Variants in PLA1A observed in about 807,000 individuals in gnomAD.
PLA1A encodes the protein phospholipase A1 member A, also known as phosphatidylserine-specific phospholipase A1alpha.
Under a neutral mutation model 49.4 loss-of-function variants are expected in PLA1A, and 47 were observed. The ratio of observed to expected loss-of-function variants is 0.95; its 90% confidence interval spans 0.75 to 1.21. PLA1A has a LOEUF of 1.21. Ranked by LOEUF, PLA1A falls within the 50% of genes most tolerant of loss-of-function variation. The pLI is 0.00. For synonymous variants in PLA1A, 224 were observed against 207.9 expected (o/e 1.08, Z -0.67); for missense variants, 561 against 563.9 (o/e 0.99, Z 0.05).
At chr3:119,621,190 A>G (rs2107796318) in intron 8 of PLA1A, among the ~76,000 whole-genome samples, 1 of 152,302 alleles carries the variant, frequency 6.6e-6, no homozygotes, top group Admixed American at 6.5e-5. Context: ...GAATATACCC[A>G]GCAGGAAAGT....
In PLA1A at chr3:119,621,283, T is replaced by C. The variant is rs186330290; in HGVS notation, c.1012+1631T>C. Among the ~76,000 whole-genome samples the C allele has an allele frequency of 2.1e-3, 327 of 152,326 alleles. 6 individuals are homozygous for C. Among genetic ancestry groups the C allele is most frequent in the East Asian group, 9.6e-4 (5 of 5,188 alleles). ...GGCCATGTTTTTTCTGACTCTTTTG[T>C]ATTTATTGTGAGACCACCTCCCCAC... is the stretch of plus-strand genomic sequence containing the variant. On this transcript the variant is annotated intron_variant, in intron 8 of 10. Coordinates refer to ENST00000273371, the MANE Select transcript of PLA1A (RefSeq NM_015900.4).
intron 1 of PLA1A, among the ~76,000 whole-genome samples, chr3:119,606,351 A>G (rs1379803123): frequency 6.6e-6 from 1 of 152,222 alleles, no homozygotes; most frequent in Non-Finnish European, 1.5e-5. Flanking sequence ...TTATATAAAG[A>G]TAATAGTCAT....
At chr3:119,622,825 CTTAT>C (rs567181855) in intron 8 of PLA1A, among the ~76,000 whole-genome samples, 1 of 151,886 alleles carries the variant, frequency 6.6e-6, no homozygotes, top group South Asian at 2.1e-4. Context: ...TCTTTCTTTT[CTTAT>C]TTATTTATTT....
chr3:119,629,335 G>A, intron 10 of PLA1A, 49 bp from the exon 11 acceptor site: 1 of 1,044,802 alleles, frequency 9.6e-7, no homozygotes, highest in Non-Finnish European at 1.5e-6. Flanking sequence ...ACAATGCCAA[G>A]CCCTGTCTCC....
intron 5 of PLA1A, among the ~76,000 whole-genome samples, chr3:119,613,934 G>A (rs986825330): frequency 6.6e-6 from 1 of 152,064 alleles, no homozygotes; most frequent in East Asian, 1.9e-4. Flanking sequence ...ATAGTGACAG[G>A]CACAGGAAAG....
At chr3:119,598,982 A>G (rs943447748) in intron 1 of PLA1A, among the ~76,000 whole-genome samples, 1 of 152,062 alleles carries the variant, frequency 6.6e-6, no homozygotes, top group Admixed American at 6.6e-5. Flanking sequence ...AAAGGTGAGG[A>G]TTTGAGGCTT....
intron 2 of PLA1A, among the ~76,000 whole-genome samples, chr3:119,607,550 G>A (rs2082705830): frequency 6.6e-6 from 1 of 152,228 alleles, no homozygotes; most frequent in Non-Finnish European, 1.5e-5. Context: ...ATATGGTAAA[G>A]TAATAGCACT....
chr3:119,608,785 G>A lies in PLA1A; in HGVS notation c.291G>A (p.Lys97=), dbSNP rs2082727751. The A allele has an allele frequency of 6.2e-7, 1 of 1,613,788 alleles. No homozygotes were observed. The highest frequency in any genetic ancestry group is 8.5e-7 in the Non-Finnish European group (1 of 1,179,710). Residue 97 remains lysine (K), a synonymous_variant, in exon 3 of 11, where the codon AAG becomes AAA. Transcript: ENST00000273371. The part of the protein sequence containing the change: ...IIHGFRVLGT[K]PSWIDTFIRT... ...CCCTGTCTAGGGTTTTAGGAACAAA[G>A]CCTTCCTGGATTGACACATTTATTA...
In PLA1A at chr3:119,619,601, C is replaced by G; in HGVS notation, c.961C>G (p.Pro321Ala). The change falls in exon 8 of 11, where the codon CCC (proline) becomes GCC (alanine). Residue 321 changes from proline (P) to alanine (A), a missense_variant. By Grantham distance (27) the Pro-to-Ala change is conservative. Transcript: ENST00000273371. ...AGGTGGTGTCAAGATAGAGCCGCTCCCCAAGGAAGTGAAAGTCTACCTCCT... is the reference window on the plus strand; with the variant it reads ...AGGTGGTGTCAAGATAGAGCCGCTCGCCAAGGAAGTGAAAGTCTACCTCCT... ...EQGGVKIEPLPKEVKVYLLTT... is the reference protein window; with the variant it reads ...EQGGVKIEPLAKEVKVYLLTT... The G allele has an allele frequency of 6.2e-7, 1 of 1,613,962 alleles. No individual in the cohort carries two copies. Among genetic ancestry groups the G allele is most frequent in the Non-Finnish European group, 8.5e-7 (1 of 1,179,806 alleles).
chr3:119,609,586 C>T lies in PLA1A; in HGVS notation c.562+10C>T, dbSNP rs1170049259. ...CTGGGACAGATCACAGGTAACATTC[C>T]TCCCTGCCCATCCTCCAGGCTTTAG... On this transcript the variant is annotated intron_variant, in intron 4 of 10. Coordinates refer to ENST00000273371, the MANE Select transcript of PLA1A (RefSeq NM_015900.4). The T allele has an allele frequency of 2.1e-6, 3 of 1,431,594 alleles. No homozygotes were observed. Among genetic ancestry groups the T allele is most frequent in the East Asian group, 4.6e-5 (2 of 43,172 alleles). The allele number at this position is 1,431,594 out of a possible 1,614,324, so 88.7% of individuals were successfully genotyped here.
At chr3:119,614,605 CAAAAA>C (rs57980425) in intron 5 of PLA1A, among the ~76,000 whole-genome samples, 1,949 of 67,992 alleles carry the variant, frequency 0.029, 35 homozygotes, top group African/African-American at 0.084. Context: ...GACTTCGTCT[CAAAAA>C]AAAAAAAAAA....
At chr3:119,611,161 G>C (rs2107785621) in intron 4 of PLA1A, among the ~76,000 whole-genome samples, 1 of 152,262 alleles carries the variant, frequency 6.6e-6, no homozygotes, top group East Asian at 1.9e-4. Context: ...TCCCTATTCT[G>C]TTCCATTGGC....
At chr3:119,600,856 C>G (rs2082609165) in intron 1 of PLA1A, among the ~76,000 whole-genome samples, 1 of 152,214 alleles carries the variant, frequency 6.6e-6, no homozygotes, top group South Asian at 2.1e-4. Context: ...GTTCAGTGGC[C>G]CATAGTGCTG....
Position 119,618,198 on chromosome 3 carries a change from C to T in PLA1A, c.922+12C>T, listed in dbSNP as rs1377375584. ...CTGCCCAAGGATAGGTAAAGTGCTA[C>T]CCCTTTGACTTCCTTTGACAATGTG... On this transcript the variant is annotated intron_variant, in intron 7 of 10. Transcript: ENST00000273371. The T allele has an allele frequency of 6.2e-7, 1 of 1,603,388 alleles. No homozygotes were observed. Among genetic ancestry groups the T allele is most frequent in the South Asian group, 1.1e-5 (1 of 89,490 alleles).
At chr3:119,608,544 G>A (rs1444454889) in intron 2 of PLA1A, among the ~76,000 whole-genome samples, 3 of 152,188 alleles carry the variant, frequency 2.0e-5, no homozygotes, top group East Asian at 1.9e-4. Flanking sequence ...GGAACAAAAG[G>A]CAAAGTTTTA....
At position 119,620,114 on chromosome 3, in the gene PLA1A, A is replaced by T. The variant is rs1167518088; in HGVS notation, c.1012+462A>T. Reference sequence around the variant, plus strand: ...TCTCACTGTTGCTCCTAACCATGGCATTTCCTTGAAGCTAGGATGCTGGTG... The same window carrying T: ...TCTCACTGTTGCTCCTAACCATGGCTTTTCCTTGAAGCTAGGATGCTGGTG... On this transcript the variant is annotated intron_variant, in intron 8 of 10. Coordinates refer to ENST00000273371, the MANE Select transcript of PLA1A (RefSeq NM_015900.4). The T allele has an allele frequency of 6.6e-6, 3 of 457,038 alleles. No individual in the cohort carries two copies. In the East Asian group the frequency reaches 2.1e-4, roughly 32 times the overall value. The allele number at this position is 457,038 out of a possible 1,614,324, so 28.3% of individuals were successfully genotyped here. A position where few individuals can be genotyped will look rare whatever the true frequency, so the allele number is the denominator to read the frequency against.
chr3:119,625,783 T>C (rs1394258622), intron 9 of PLA1A, among the ~76,000 whole-genome samples: 1 of 152,120 alleles, frequency 6.6e-6, no homozygotes, highest in Non-Finnish European at 1.5e-5. Flanking sequence ...GTCATTCCCT[T>C]CCTTTGTTGG....
rs116556333 is a variant in PLA1A at position 119,621,851 on chromosome 3, G to C, written c.1012+2199G>C. ...GTTGTACGACATGAGACATGTTCCT[G>C]TGCAGATTTGATTCCACTAATTCCC... On this transcript the variant is annotated intron_variant, in intron 8 of 10. Transcript: ENST00000273371. Among the ~76,000 whole-genome samples the C allele has an allele frequency of 6.4e-3, 972 of 152,258 alleles. 11 individuals carry two copies. The highest frequency in any genetic ancestry group is 0.022 in the African/African-American group (905 of 41,546).
At chr3:119,606,616 G>A (rs931183096) in intron 1 of PLA1A, among the ~76,000 whole-genome samples, 158 bp from the exon 2 acceptor site, 2 of 152,190 alleles carry the variant, frequency 1.3e-5, no homozygotes, top group Admixed American at 1.3e-4. Context: ...AAGTGATGAA[G>A]GCTGTAATAA....
Sources: gnomAD v4.1 joint callset for allele counts (sites outside exome capture counted in the v4.1 genomes callset) on GRCh38, gnomAD v4.1.1 for gene constraint, MANE v1.5 for transcripts, NCBI Gene and HGNC (gene_info 2026-07-23, HGNC 2026-07-21) for gene names.